The following NPHP4 variants were observed in gnomAD, a reference collection of about 807,000 sequenced individuals.
NPHP4 encodes nephrocystin-4.
NPHP4 carries 151 observed loss-of-function variants against 155.8 expected under a neutral mutation model. That is an observed-to-expected ratio of 0.97 (90% CI 0.85 to 1.11). NPHP4 has a LOEUF of 1.11. NPHP4 is among the 50% of genes least tolerant of loss of function. The pLI is 0.00. For missense variants in NPHP4, 1,956 were observed against 1,925.7 expected, an observed-to-expected ratio of 1.02 and a Z score of -0.29; for synonymous variants, 845 against 816.8, an observed-to-expected ratio of 1.03 and a Z score of -0.59.
intron 2 of NPHP4, among the ~76,000 whole-genome samples, chr1:5,980,415 G>GC (rs35717014): frequency 0.17 from 25,881 of 152,226 alleles, 2,285 homozygotes; most frequent in African/African-American, 0.21. Context: ...AGCGCCAGGC[G>GC]CAAGAGCGTT....
chr1:5,984,257 G>A (rs748756206), intron 2 of NPHP4, among the ~76,000 whole-genome samples: 2 of 152,160 alleles, frequency 1.3e-5, no homozygotes, highest in Non-Finnish European at 2.9e-5. Flanking sequence ...GTACAGTGCC[G>A]GGCATGTGGC....
intron 11 of NPHP4, among the ~76,000 whole-genome samples, chr1:5,915,310 T>C (rs1362278814): frequency 6.6e-6 from 1 of 152,066 alleles, no homozygotes; most frequent in Non-Finnish European, 1.5e-5. Context: ...CCATCGCTAG[T>C]AAAGATGCAG....
intron 18 of NPHP4, among the ~76,000 whole-genome samples, chr1:5,883,965 C>T (rs1198893301): frequency 6.6e-6 from 1 of 152,308 alleles, no homozygotes; most frequent in South Asian, 2.1e-4. Flanking sequence ...CAGCAGGACA[C>T]GGAACCCTGC....
At chr1:5,915,317 G>A (rs1645417095) in intron 11 of NPHP4, among the ~76,000 whole-genome samples, 1 of 152,170 alleles carries the variant, frequency 6.6e-6, no homozygotes, top group African/African-American at 2.4e-5. Context: ...TAGTAAAGAT[G>A]CAGTCTCTGG....
At chr1:5,930,175 T>C (rs1646202565) in intron 10 of NPHP4, among the ~76,000 whole-genome samples, 1 of 152,202 alleles carries the variant, frequency 6.6e-6, no homozygotes, top group Non-Finnish European at 1.5e-5. Flanking sequence ...ATTAGTCATT[T>C]GTGTCCTCCC....
chr1:5,955,029 GA>G lies in NPHP4; in HGVS notation c.674-2194del, dbSNP rs1004499015. The stretch of plus-strand genomic sequence containing the variant: ...CATAAGGAATTTAAGCAACTCAACA[GA>G]AAAAAAAAAAAACTAGTAGCTTGAT... On this transcript the variant is annotated intron_variant, in intron 6 of 29. Transcript: ENST00000378156. Among the ~76,000 whole-genome samples, 1,090 of 131,942 alleles carry G rather than the reference GA, an allele frequency of 8.3e-3. 9 individuals carry two copies. The highest frequency in any genetic ancestry group is 0.028 in the African/African-American group (1,027 of 36,114). 86.6% of individuals were successfully genotyped at this position (131,942 alleles called of 152,430 possible).
chr1:5,887,438 A>ACAGC lies in NPHP4; in HGVS notation c.2329_2332dup (p.Val778GlyfsTer9). The ACAGC allele has an allele frequency of 3.7e-6, 6 of 1,613,280 alleles. No individual in the cohort carries two copies. Among genetic ancestry groups the ACAGC allele is most frequent in the Non-Finnish European group, 5.1e-6 (6 of 1,179,872 alleles). On this transcript the variant is annotated frameshift_variant, in exon 18 of 30. Transcript: ENST00000378156. LOFTEE classifies it high-confidence loss of function. The stretch of plus-strand genomic sequence containing the variant: ...GACCTCAAGCTCGTGGGAGGCCTGC[A>ACAGC]CAGCCGGCCGGCCTTGGCGGAGGAG...
In NPHP4 at chr1:5,874,638, C is replaced by T. The variant is rs1451203266; in HGVS notation, c.3064G>A (p.Glu1022Lys). ...GCAGCACCCTTGAAGTCCCTCCACT[C>T]CTGACTGTCCACGATGACGCTGGGG... ...PELSVIVDSQ[E>K]WRDFKGAAGL... is the part of the protein sequence containing the mutation. Residue 1022 changes from glutamate to lysine, a missense_variant, in exon 22 of 30, where the codon GAG (glutamate) becomes AAG (lysine). By Grantham distance (56) the Glu-to-Lys change is moderately conservative (BLOSUM62 1). Transcript: ENST00000378156. The T allele has an allele frequency of 2.9e-5, 46 of 1,611,924 alleles. No individual in the cohort carries two copies. Among genetic ancestry groups the T allele is most frequent in the Non-Finnish European group, 3.9e-5 (46 of 1,179,560 alleles).
chr1:5,948,453 C>T (rs1647262772), intron 7 of NPHP4, among the ~76,000 whole-genome samples: 2 of 152,230 alleles, frequency 1.3e-5, no homozygotes, highest in Admixed American at 1.3e-4. Context: ...GGGGCACTGC[C>T]CGGGCAGTTT....
At chr1:5,988,900 G>A (rs547664419) in intron 1 of NPHP4, among the ~76,000 whole-genome samples, 1 of 151,998 alleles carries the variant, frequency 6.6e-6, no homozygotes, top group African/African-American at 2.4e-5. Context: ...ATGTGGGCCA[G>A]GTATTCCTGA....
chr1:5,865,328 A>G (rs2100412363), intron 26 of NPHP4, 55 bp from the exon 27 acceptor site: 3 of 1,431,500 alleles, frequency 2.1e-6, no homozygotes, highest in South Asian at 1.4e-5. Flanking sequence ...GCACCGGCCC[A>G]CGAGAGGCCA....
chr1:5,895,952 C>G (rs1014165213), intron 16 of NPHP4, among the ~76,000 whole-genome samples: 1 of 151,850 alleles, frequency 6.6e-6, no homozygotes, highest in East Asian at 1.9e-4. Context: ...CAGAGCATGA[C>G]GCAGCTACCG....
At chr1:5,957,920 T>A (rs1474370528) in intron 6 of NPHP4, among the ~76,000 whole-genome samples, 1 of 152,230 alleles carries the variant, frequency 6.6e-6, no homozygotes, top group Non-Finnish European at 1.5e-5. Flanking sequence ...CCAAAATCCA[T>A]TCAAGAGAGA....
chr1:5,966,625 A>G (rs1374706767), intron 5 of NPHP4, among the ~76,000 whole-genome samples: 1 of 152,068 alleles, frequency 6.6e-6, no homozygotes, highest in East Asian at 1.9e-4. Context: ...CACCTCGAAG[A>G]GACAGAAAAG....
In NPHP4 at chr1:5,889,469, G is replaced by T. The variant is rs549404827; in HGVS notation, c.2304+1399C>A. 2.6e-5 allele frequency among the ~76,000 whole-genome samples: 4 copies of T among 152,312 alleles called. No individual in the cohort carries two copies. The East Asian group carries it at 7.7e-4, about 29-fold the overall frequency. Reference sequence around the variant, plus strand: ...AAGCGTAACGGCACTTGTTTAAGGGGCTCTTCGTGTAGGGGGAGATCAAAT... The same window carrying T: ...AAGCGTAACGGCACTTGTTTAAGGGTCTCTTCGTGTAGGGGGAGATCAAAT... On this transcript the variant is annotated intron_variant, in intron 17 of 29. Coordinates refer to ENST00000378156, the MANE Select transcript of NPHP4 (RefSeq NM_015102.5). This position sits in a 1 kb window ranked among gnomAD's most constrained non-coding sequence, Gnocchi z 4.2.
chr1:5,877,717 G>A (rs887305391), intron 19 of NPHP4, among the ~76,000 whole-genome samples: 2 of 152,192 alleles, frequency 1.3e-5, no homozygotes, highest in Admixed American at 1.3e-4. Context: ...CTTGGCAGGA[G>A]GCCTTCAGTG....
chr1:5,951,376 T>G (rs966988613), intron 7 of NPHP4, among the ~76,000 whole-genome samples: 5 of 152,240 alleles, frequency 3.3e-5, no homozygotes, highest in African/African-American at 1.2e-4. Context: ...GCAATTAAAG[T>G]TTCTTTCTCT....
In NPHP4 at chr1:5,864,460, C is replaced by CAA; in HGVS notation, c.3872_3873dup (p.Gly1292LeufsTer3). Reference sequence around the variant, plus strand: ...CTGCCGGCCCTAAGGGGCCTCACGCCAACATGCAGGTCCTGCACCCCACGA... The same window carrying CAA: ...CTGCCGGCCCTAAGGGGCCTCACGCCAAAACATGCAGGTCCTGCACCCCACGA... On this transcript the variant is annotated frameshift_variant, in exon 28 of 30. Transcript: ENST00000378156. LOFTEE classifies it high-confidence loss of function. 6 of 1,605,614 alleles carry CAA rather than the reference C, an allele frequency of 3.7e-6. No homozygotes were observed. Among genetic ancestry groups the CAA allele is most frequent in the Non-Finnish European group, 5.1e-6 (6 of 1,176,480 alleles).
At chr1:5,985,739 A>G (rs1655378741) in intron 2 of NPHP4, among the ~76,000 whole-genome samples, 2 of 152,248 alleles carry the variant, frequency 1.3e-5, no homozygotes, top group Admixed American at 6.5e-5. Flanking sequence ...GTATGGTGGT[A>G]TAAGACTCAA....
Sources: allele counts gnomAD v4.1 joint callset (sites outside exome capture counted in the v4.1 genomes callset), GRCh38; gene constraint gnomAD v4.1.1; non-coding constraint Gnocchi (gnomAD v3.1); transcripts MANE v1.5; gene names NCBI Gene and HGNC (gene_info 2026-07-23, HGNC 2026-07-21).